The following KPNB1 variants were observed in gnomAD, a reference collection of about 807,000 sequenced individuals.
KPNB1 encodes the protein importin subunit beta-1.
In KPNB1, 7 loss-of-function variants were observed where a neutral mutation model predicts 113.0. The ratio of observed to expected loss-of-function variants is 0.06; its 90% CI spans 0.04 to 0.12. The LOEUF (loss-of-function observed/expected upper bound fraction) is 0.12. Among genes scored for constraint, KPNB1 ranks in the 10% least tolerant of loss-of-function variants. KPNB1 has a pLI of 1.00. For synonymous variants in KPNB1, 363 were observed against 378.6 expected (o/e 0.96, Z 0.48); for missense variants, 400 against 1,054.8 (o/e 0.38, Z 8.60).
intron 19 of KPNB1, chr17:47,678,635 TCTCA>T (rs1362951729): frequency 1.2e-5 from 6 of 492,338 alleles, no homozygotes; most frequent in South Asian, 2.2e-5. Flanking sequence ...TGAGACGGAG[TCTCA>T]CTCTGTTGCC....
intron 2 of KPNB1, 117 bp downstream of exon 2, chr17:47,650,561 T>TCCCCCC (rs1220708651): frequency 2.7e-5 from 11 of 405,840 alleles, no homozygotes; most frequent in African/African-American, 1.6e-4. Flanking sequence ...CCCGTCCCCC[T>TCCCCCC]CCCCCCTCCC....
rs537216646 is a variant in KPNB1 at position 47,664,914 on chromosome 17, C to T, written c.898-143C>T. On this transcript the variant is annotated intron_variant, in intron 8 of 21. Coordinates refer to ENST00000290158, the MANE Select transcript of KPNB1 (RefSeq NM_002265.6). ...ACTGAAGTAGACCAAAAAATTAGCA[C>T]TTTCCAAGATCACATTGTATGTTAC... 14 of 657,854 alleles carry T rather than the reference C, an allele frequency of 2.1e-5. No homozygotes were observed. The South Asian group carries it at 2.4e-4, about 11-fold the overall frequency. The allele number at this position is 657,854 out of a possible 1,614,324, so 40.8% of individuals were successfully genotyped here.
rs1325800134 is a variant in KPNB1, at chr17:47,676,468, T to C, written c.1972T>C (p.Leu658=). 6 of 1,613,026 alleles carry C rather than the reference T, an allele frequency of 3.7e-6. No individual in the cohort carries two copies. The highest frequency in any genetic ancestry group is 3.3e-5 in the Admixed American group (2 of 60,010). The change falls in exon 16 of 22, where the codon TTA becomes CTA. Residue 658 remains leucine, a synonymous_variant. Coordinates refer to ENST00000290158, the MANE Select transcript of KPNB1 (RefSeq NM_002265.6). ...CTTTAAACCCTTCCTGGGCATTGGA[T>C]TAAAAAATTATGCTGAATACCAGGT... The part of the protein sequence containing the change: ...EAFKPFLGIG[L]KNYAEYQVCL...
At chr17:47,663,614 A>G (rs1024922327) in intron 7 of KPNB1, among the ~76,000 whole-genome samples, 1 of 152,158 alleles carries the variant, frequency 6.6e-6, no homozygotes, top group Non-Finnish European at 1.5e-5. Context: ...CAGTGAGCCA[A>G]GATCACGCCA....
At position 47,683,090 on chromosome 17, in the gene KPNB1, TAAAAAAAAAAA is replaced by T. The variant is rs1157291179; in HGVS notation, c.*705_*715del. Reference sequence around the variant, plus strand: ...GTTTACTGATGCAGCACAAGAGATGTAAAAAAAAAAAAAAAAAAAAAAAAAAAAACACACAC... The same window carrying T: ...GTTTACTGATGCAGCACAAGAGATGTAAAAAAAAAAAAAAAAAACACACAC... On this transcript the variant is annotated 3_prime_UTR_variant, in exon 22 of 22. Transcript: ENST00000290158. 8.1e-4 allele frequency: 14 copies of T among 17,256 alleles called. No individual in the cohort carries two copies. The highest frequency in any genetic ancestry group is 0.042 in the Middle Eastern group (1 of 24). 1.1% of individuals were successfully genotyped at this position (17,256 alleles called of 1,614,324 possible).
chr17:47,659,087 G>C (rs2030006171), intron 5 of KPNB1, among the ~76,000 whole-genome samples: 1 of 152,184 alleles, frequency 6.6e-6, no homozygotes, highest in African/African-American at 2.4e-5. Context: ...TGTGGCTTAA[G>C]CCTGTAATCC....
chr17:47,677,472 CAAAAAA>C (rs746941632), intron 17 of KPNB1, among the ~76,000 whole-genome samples: 7 of 53,264 alleles, frequency 1.3e-4, no homozygotes, highest in Non-Finnish European at 2.8e-4. Context: ...AACTCCGTCT[CAAAAAA>C]AAAAAAAAAA....
chr17:47,652,635 T>C (rs200976438), intron 2 of KPNB1, 59 bp from the exon 3 acceptor site: 1 of 1,382,728 alleles, frequency 7.2e-7, no homozygotes, highest in Non-Finnish European at 9.7e-7. Context: ...CTATAAATTA[T>C]CCTCAGTTGT....
At chr17:47,675,358 G>GTTTTTTTTTTTTTTTTTTTTTTT (rs1555619221) in intron 15 of KPNB1, among the ~76,000 whole-genome samples, 1 of 88,812 alleles carries the variant, frequency 1.1e-5, no homozygotes, top group African/African-American at 4.3e-5. Flanking sequence ...TGGCAGAGGT[G>GTTTTTTTTTTTTTTTTTTTTTTT]TTGTTTTTTT....
intron 3 of KPNB1, among the ~76,000 whole-genome samples, chr17:47,656,154 G>A (rs548384447): frequency 6.6e-6 from 1 of 152,260 alleles, no homozygotes; most frequent in South Asian, 2.1e-4. Context: ...CTTGCTGGGG[G>A]GAGCTAAGGC....
chr17:47,683,118 A>AAAAAAAAAC lies in KPNB1; in HGVS notation c.*715_*716insAAAAAAACA, dbSNP rs1555619992. 4.2e-5 allele frequency: 6 copies of AAAAAAAAAC among 143,212 alleles called. No individual in the cohort carries two copies. The highest frequency in any genetic ancestry group is 7.6e-5 in the Non-Finnish European group (5 of 66,120). 8.9% of individuals were successfully genotyped at this position (143,212 alleles called of 1,614,324 possible). ...AAAAAAAAAAAAAAAAAAAAAAAAAAACACACACACAGAGGAAAGACGCTC... is the reference window on the plus strand; with the variant it reads ...AAAAAAAAAAAAAAAAAAAAAAAAAAAAAAAAAACACACACACACAGAGGAAAGACGCTC... On this transcript the variant is annotated 3_prime_UTR_variant, in exon 22 of 22. Transcript: ENST00000290158.
At chr17:47,667,474 A>G (rs1337474844) in intron 9 of KPNB1, among the ~76,000 whole-genome samples, 1 of 151,534 alleles carries the variant, frequency 6.6e-6, no homozygotes, top group African/African-American at 2.4e-5. Flanking sequence ...CTTCCCAGTC[A>G]TGAAACTCCC....
intron 15 of KPNB1, among the ~76,000 whole-genome samples, chr17:47,675,063 C>G (rs2037859474): frequency 6.6e-6 from 1 of 152,138 alleles, no homozygotes; most frequent in African/African-American, 2.4e-5. Context: ...AAGTGATCCT[C>G]CTGCCTCAGC....
Position 47,685,504 on chromosome 17 carries a change from A to G in KPNB1, c.*3100A>G, listed in dbSNP as rs1480118644. On this transcript the variant is annotated 3_prime_UTR_variant, in exon 22 of 22. Transcript: ENST00000290158. ...TAAAGTCCGCTTTATTTTTATTTTC[A>G]ACATCTTGCTGCTTTTTTTTTTTTT... 1 of 148,722 alleles carries G rather than the reference A, an allele frequency of 6.7e-6. No homozygotes were observed. The highest frequency in any genetic ancestry group is 2.0e-4 in the East Asian group (1 of 5,122). 9.2% of individuals were successfully genotyped at this position (148,722 alleles called of 1,614,324 possible).
chr17:47,662,942 A>G lies in KPNB1; in HGVS notation c.697-147A>G. The G allele has an allele frequency of 6.1e-6, 4 of 656,954 alleles. No individual in the cohort carries two copies. The Admixed American group carries it at 9.8e-5, about 16-fold the overall frequency. The allele number at this position is 656,954 out of a possible 1,614,324, so 40.7% of individuals were successfully genotyped here. On this transcript the variant is annotated intron_variant, in intron 6 of 21. Coordinates refer to ENST00000290158, the MANE Select transcript of KPNB1 (RefSeq NM_002265.6). ...AAGGAACAGATAATGAGGGAATTAA[A>G]GGGAGAGAATGAATTTTAGGGAAAT...
At chr17:47,679,771 A>G in intron 19 of KPNB1, 1 of 313,524 alleles carries the variant, frequency 3.2e-6, no homozygotes, top group East Asian at 6.7e-5. Context: ...ATCTCGGCTC[A>G]CTGCAAGCTC....
At position 47,663,178 on chromosome 17, in the gene KPNB1, A is replaced by T. The variant is rs1250255577; in HGVS notation, c.786A>T (p.Ala262=). The T allele has an allele frequency of 1.4e-5, 20 of 1,432,442 alleles. No individual in the cohort carries two copies. The South Asian group carries it at 1.6e-4, about 11-fold the overall frequency. 88.7% of individuals were successfully genotyped at this position (1,432,442 alleles called of 1,614,324 possible). The change falls in exon 7 of 22, where the codon GCA becomes GCT. Residue 262 remains alanine (A), a splice_region_variant and synonymous_variant. Transcript: ENST00000290158. Reference sequence around the variant, plus strand: ...CATATATGGGTCCTGCTCTTTTTGCAGTAAGTATTTCTATTTATGTGATTT... The same window carrying T: ...CATATATGGGTCCTGCTCTTTTTGCTGTAAGTATTTCTATTTATGTGATTT... ...METYMGPALF[A]ITIEAMKSDI...
chr17:47,683,268 A>C lies in KPNB1; in HGVS notation c.*864A>C. On this transcript the variant is annotated 3_prime_UTR_variant, in exon 22 of 22. Coordinates refer to ENST00000290158, the MANE Select transcript of KPNB1 (RefSeq NM_002265.6). ...TCATCAAGGCGCCTTTCCTAATAAT[A>C]TGGTTCAACTGTGAATGTAGAAGTG... 1 of 133,138 alleles carries C rather than the reference A, an allele frequency of 7.5e-6. No individual in the cohort carries two copies. The highest frequency in any genetic ancestry group is 1.6e-5 in the Non-Finnish European group (1 of 62,956). The allele number at this position is 133,138 out of a possible 1,614,324, so 8.2% of individuals were successfully genotyped here.
At chr17:47,671,651 C>CT (rs1460084302) in intron 12 of KPNB1, 2 of 152,206 alleles carry the variant, frequency 1.3e-5, no homozygotes, top group African/African-American at 4.8e-5. Flanking sequence ...CCTCAGCCTC[C>CT]TGGGTAGCTG....
Sources: allele counts gnomAD v4.1 joint callset (sites outside exome capture counted in the v4.1 genomes callset), GRCh38; gene constraint gnomAD v4.1.1; transcripts MANE v1.5; gene names NCBI Gene and HGNC (gene_info 2026-07-23, HGNC 2026-07-21).